The following CLSTN2 variants were observed in gnomAD, a reference collection of about 807,000 sequenced individuals.
CLSTN2 encodes the protein calsyntenin-2.
In CLSTN2, 48 loss-of-function variants were observed where a neutral mutation model predicts 101.2. The observed-to-expected ratio is 0.47, with a 90% CI of 0.38 to 0.60. CLSTN2 has a LOEUF of 0.60. Among genes scored for constraint, CLSTN2 ranks in the 20% least tolerant of loss-of-function variants. CLSTN2 has a pLI of 0.00. For synonymous variants in CLSTN2, 481 were observed against 463.6 expected (o/e 1.04, Z -0.48); for missense variants, 1,160 against 1,238.2 (o/e 0.94, Z 0.95).
intron 1 of CLSTN2, among the ~76,000 whole-genome samples, chr3:139,942,437 C>T (rs537127401): frequency 1.3e-5 from 2 of 152,084 alleles, no homozygotes; most frequent in East Asian, 1.9e-4. Context: ...TCTCCTGATT[C>T]GGTTATTCAT....
At chr3:140,300,378 C>T (rs373018522) in intron 2 of CLSTN2, among the ~76,000 whole-genome samples, 4 of 152,284 alleles carry the variant, frequency 2.6e-5, no homozygotes, top group South Asian at 4.1e-4. Flanking sequence ...TTCTGTCTTG[C>T]CTTTCTTCCT....
intron 2 of CLSTN2, among the ~76,000 whole-genome samples, chr3:140,338,823 G>A (rs114829378): frequency 6.2e-4 from 95 of 152,338 alleles, no homozygotes; most frequent in African/African-American, 2.0e-3. Context: ...AGCAGGTGCA[G>A]CACCCTCCTT....
intron 1 of CLSTN2, among the ~76,000 whole-genome samples, chr3:140,027,844 G>A (rs1414915997): frequency 1.3e-5 from 2 of 152,212 alleles, no homozygotes; most frequent in African/African-American, 4.8e-5. Context: ...AGAGCAGGTA[G>A]CAGCTCACTC....
In CLSTN2 at chr3:140,089,579, G is replaced by GA. The variant is rs2008739957; in HGVS notation, c.110-86372_110-86371insA. ...CTATTTTGGTCTTCCTTTTCAGCTGGTTTTATTTATTTATTTATTTATTTA... is the reference window on the plus strand; with the variant it reads ...CTATTTTGGTCTTCCTTTTCAGCTGGATTTTATTTATTTATTTATTTATTTA... On this transcript the variant is annotated intron_variant, in intron 1 of 16. Transcript: ENST00000458420. Among the ~76,000 whole-genome samples, 5 of 145,802 alleles carry GA rather than the reference G, an allele frequency of 3.4e-5. No individual in the cohort carries two copies. The South Asian group carries it at 1.1e-3, about 32-fold the overall frequency.
At chr3:140,410,950 G>GA (rs1216570520) in intron 4 of CLSTN2, among the ~76,000 whole-genome samples, 1 of 151,994 alleles carries the variant, frequency 6.6e-6, no homozygotes, top group Non-Finnish European at 1.5e-5. Context: ...AAAAAATAAA[G>GA]AGAAAGGAAT....
chr3:140,502,147 T>TA (rs200443403), intron 8 of CLSTN2, among the ~76,000 whole-genome samples: 1,706 of 151,638 alleles, frequency 0.011, 16 homozygotes, highest in Middle Eastern at 0.02. Flanking sequence ...AAGGGTAAAA[T>TA]AAAAAAAAGG....
chr3:140,376,846 T>G (rs1252595925), intron 2 of CLSTN2, among the ~76,000 whole-genome samples: 2 of 152,198 alleles, frequency 1.3e-5, no homozygotes, highest in Non-Finnish European at 2.9e-5. Flanking sequence ...TTCTATCAGT[T>G]TGTCTTGATG....
At chr3:140,237,055 A>G (rs1224847308) in intron 2 of CLSTN2, among the ~76,000 whole-genome samples, 1 of 152,056 alleles carries the variant, frequency 6.6e-6, no homozygotes, top group East Asian at 1.9e-4. Flanking sequence ...TTGCATGCCA[A>G]ATAATTTTTT....
intron 1 of CLSTN2, among the ~76,000 whole-genome samples, chr3:139,940,346 G>A (rs1405296575): frequency 6.6e-6 from 1 of 152,150 alleles, no homozygotes; most frequent in Non-Finnish European, 1.5e-5. Context: ...CTAGTTAGAT[G>A]ATCTTGGACA....
chr3:140,370,710 C>T (rs547049268), intron 2 of CLSTN2, among the ~76,000 whole-genome samples: 1 of 152,158 alleles, frequency 6.6e-6, no homozygotes, highest in Non-Finnish European at 1.5e-5. Context: ...AAAAGAGAAC[C>T]ATTGGGCCTG....
intron 2 of CLSTN2, among the ~76,000 whole-genome samples, chr3:140,330,669 G>A (rs981424827): frequency 6.6e-6 from 1 of 152,146 alleles, no homozygotes; most frequent in Non-Finnish European, 1.5e-5. Flanking sequence ...CCATATGGAA[G>A]GATTTCTGGA....
At chr3:140,289,301 G>C (rs1292915142) in intron 2 of CLSTN2, among the ~76,000 whole-genome samples, 1 of 151,874 alleles carries the variant, frequency 6.6e-6, no homozygotes, top group Non-Finnish European at 1.5e-5. Context: ...AGCCAGCCTG[G>C]ATCCAAGCCC....
rs564386471 is a variant in CLSTN2, at chr3:140,571,620, A to C, written c.*5367A>C. ...CTTGGCACAATTTAATTTTCACATAACCACTTTCCATTGTCCAGCTGCAGG... is the reference window on the plus strand; with the variant it reads ...CTTGGCACAATTTAATTTTCACATACCCACTTTCCATTGTCCAGCTGCAGG... On this transcript the variant is annotated 3_prime_UTR_variant, in exon 17 of 17. Transcript: ENST00000458420. 1 of 152,348 alleles carries C rather than the reference A, an allele frequency of 6.6e-6. No individual in the cohort carries two copies. The highest frequency in any genetic ancestry group is 2.1e-4 in the South Asian group (1 of 4,828). 9.4% of individuals were successfully genotyped at this position (152,348 alleles called of 1,614,324 possible).
intron 2 of CLSTN2, among the ~76,000 whole-genome samples, chr3:140,223,729 A>G (rs2086294936): frequency 6.6e-6 from 1 of 152,180 alleles, no homozygotes; most frequent in Non-Finnish European, 1.5e-5. Context: ...TTTGGAAACC[A>G]TAGCAATTAT....
At chr3:140,461,611 G>T (rs1382727572) in intron 7 of CLSTN2, among the ~76,000 whole-genome samples, 1 of 152,184 alleles carries the variant, frequency 6.6e-6, no homozygotes, top group Non-Finnish European at 1.5e-5. Context: ...CTGTGTCCCA[G>T]GCCCAAGCTA....
chr3:140,375,123 G>C (rs1408586671), intron 2 of CLSTN2, among the ~76,000 whole-genome samples: 1 of 152,200 alleles, frequency 6.6e-6, no homozygotes, highest in Non-Finnish European at 1.5e-5. Flanking sequence ...AGATGTAGTT[G>C]AGGGGAGATG....
chr3:140,514,944 G>T (rs1174070400), intron 8 of CLSTN2, among the ~76,000 whole-genome samples: 2 of 152,122 alleles, frequency 1.3e-5, no homozygotes, highest in African/African-American at 4.8e-5. Flanking sequence ...GTTTCAGGAT[G>T]ATTAGTATTA....
At chr3:140,101,983 T>A (rs1397556128) in intron 1 of CLSTN2, among the ~76,000 whole-genome samples, 4 of 152,156 alleles carry the variant, frequency 2.6e-5, no homozygotes, top group Non-Finnish European at 5.9e-5. Flanking sequence ...ATACTCTGGG[T>A]CTACAAAGTC....
chr3:140,158,683 C>G (rs1406904928), intron 1 of CLSTN2, among the ~76,000 whole-genome samples: 2 of 152,036 alleles, frequency 1.3e-5, no homozygotes, highest in Non-Finnish European at 2.9e-5. Context: ...GAAAAAAAGA[C>G]TCTAAAATTT....
Sources: allele counts gnomAD v4.1 joint callset (sites outside exome capture counted in the v4.1 genomes callset), GRCh38; gene constraint gnomAD v4.1.1; transcripts MANE v1.5; gene names NCBI Gene and HGNC (gene_info 2026-07-23, HGNC 2026-07-21).